The following IL1RAPL2 variants were observed in gnomAD, a reference collection of about 807,000 sequenced individuals.
IL1RAPL2 encodes X-linked interleukin-1 receptor accessory protein-like 2.
Under a neutral mutation model 44.1 loss-of-function variants are expected in IL1RAPL2, and 3 were observed. The observed-to-expected ratio is 0.07, with a 90% CI of 0.03 to 0.18. IL1RAPL2 has a LOEUF of 0.18. Ranked by LOEUF, IL1RAPL2 falls within the 10% of genes least tolerant of loss-of-function variation. IL1RAPL2 has a pLI of 1.00. For missense variants in IL1RAPL2, 391 were observed against 496.4 expected, an observed-to-expected ratio of 0.79 and a Z score of 2.02; for synonymous variants, 181 against 178.8, an observed-to-expected ratio of 1.01 and a Z score of -0.10.
intron 4 of IL1RAPL2, among the ~76,000 whole-genome samples, chrX:105,234,764 T>C (rs909914990): frequency 7.6e-5 from 8 of 105,884 alleles, no homozygotes; most frequent in Admixed American, 6.2e-4. Context: ...GCCGAGATCA[T>C]GTCACTGTAC....
intron 6 of IL1RAPL2, among the ~76,000 whole-genome samples, chrX:105,654,235 A>G (rs1365549754): frequency 9.1e-6 from 1 of 109,326 alleles, no homozygotes; most frequent in Admixed American, 9.7e-5. Context: ...ACTCCTGTCA[A>G]TATTTCTGGA....
chrX:104,955,319 C>A lies in IL1RAPL2; in HGVS notation c.83-240156C>A, dbSNP rs1451739914. ...AATATTCCTCAAGGTCACTGGGACA[C>A]TTTCTTCAGGGGATATAAGGGAAGA... On this transcript the variant is annotated intron_variant, in intron 2 of 10. Coordinates refer to ENST00000372582, the MANE Select transcript of IL1RAPL2 (RefSeq NM_017416.2). Among the ~76,000 whole-genome samples the A allele has an allele frequency of 1.8e-5, 2 of 110,214 alleles. 1 individual carries two copies. Among genetic ancestry groups the A allele is most frequent in the South Asian group, 7.7e-4 (2 of 2,592 alleles).
At chrX:105,588,858 T>C (rs1602479608) in intron 6 of IL1RAPL2, among the ~76,000 whole-genome samples, 1 of 112,082 alleles carries the variant, frequency 8.9e-6, no homozygotes, top group East Asian at 2.8e-4. Context: ...CATGCGTACA[T>C]GTGTCTTTAT....
intron 2 of IL1RAPL2, among the ~76,000 whole-genome samples, chrX:104,920,064 A>C (rs1479292028): frequency 3.6e-5 from 4 of 110,428 alleles, no homozygotes; most frequent in African/African-American, 1.3e-4. Flanking sequence ...CCATGGGGAG[A>C]CTCTGACCAA....
At chrX:104,825,188 G>C (rs1020052978) in intron 2 of IL1RAPL2, among the ~76,000 whole-genome samples, 2 of 111,405 alleles carry the variant, frequency 1.8e-5, no homozygotes, top group African/African-American at 6.5e-5. Flanking sequence ...ACACAGCAGA[G>C]GTTCCTAGAT....
At chrX:104,961,804 G>T (rs1044579856) in intron 2 of IL1RAPL2, among the ~76,000 whole-genome samples, 12 of 111,517 alleles carry the variant, frequency 1.1e-4, no homozygotes, top group Admixed American at 1.9e-4. Context: ...ACAATGCCTG[G>T]CCCAGAATAG....
chrX:105,762,612 A>T (rs2038696566), intron 10 of IL1RAPL2, among the ~76,000 whole-genome samples: 1 of 112,187 alleles, frequency 8.9e-6, no homozygotes, highest in African/African-American at 3.2e-5. Context: ...TTCATGTCTG[A>T]TAATCTGCTG....
intron 5 of IL1RAPL2, among the ~76,000 whole-genome samples, chrX:105,325,513 A>G (rs2087336931): frequency 1.0e-5 from 1 of 97,056 alleles, no homozygotes; most frequent in African/African-American, 4.1e-5. Flanking sequence ...TCTTGAATAA[A>G]CATGTTTTCA....
Position 105,640,654 on chromosome X carries a change from G to GTGTA in IL1RAPL2, c.773-76712_773-76711insGTAT, listed in dbSNP as rs1446182577. On this transcript the variant is annotated intron_variant, in intron 6 of 10. Transcript: ENST00000372582. Reference sequence around the variant, plus strand: ...AAGTACACAAATTATGTATGTGTGTGTATATATATATATATATATATATAT... The same window carrying GTGTA: ...AAGTACACAAATTATGTATGTGTGTGTGTATATATATATATATATATATATATAT... Among the ~76,000 whole-genome samples, 34 of 59,475 alleles carry GTGTA rather than the reference G, an allele frequency of 5.7e-4. 1 individual carries two copies. In the South Asian group the frequency reaches 9.6e-3, roughly 17 times the overall value. 51.6% of individuals were successfully genotyped at this position (59,475 alleles called of 115,157 possible).
chrX:105,220,545 A>C, intron 3 of IL1RAPL2: 4 of 499,686 alleles, frequency 8.0e-6, no homozygotes, highest in Non-Finnish European at 6.1e-6. Context: ...CGTCCTAATG[A>C]CCCCCTGACC....
At chrX:105,700,630 G>A (rs777387146) in intron 6 of IL1RAPL2, among the ~76,000 whole-genome samples, 41 of 111,100 alleles carry the variant, frequency 3.7e-4, no homozygotes, top group Non-Finnish European at 5.9e-4. Flanking sequence ...CTTCTATGGC[G>A]TTGTTTTTGT....
intron 2 of IL1RAPL2, among the ~76,000 whole-genome samples, chrX:105,050,258 A>C (rs2031900875): frequency 8.9e-6 from 1 of 112,090 alleles, no homozygotes. Flanking sequence ...AGGAGTAAAA[A>C]GTATGCTTTT....
intron 5 of IL1RAPL2, among the ~76,000 whole-genome samples, chrX:105,312,689 A>T (rs776159618): frequency 9.0e-6 from 1 of 111,498 alleles, no homozygotes; most frequent in African/African-American, 3.3e-5. Context: ...AATAGTTAAG[A>T]TAAAAGTCAA....
At chrX:105,404,154 A>G (rs960263308) in intron 5 of IL1RAPL2, among the ~76,000 whole-genome samples, 3 of 111,590 alleles carry the variant, frequency 2.7e-5, no homozygotes, top group African/African-American at 9.8e-5. Flanking sequence ...AGAGCAGGGA[A>G]TTTTTCATCT....
At chrX:104,721,726 T>A (rs999787393) in intron 2 of IL1RAPL2, among the ~76,000 whole-genome samples, 3 of 110,645 alleles carry the variant, frequency 2.7e-5, no homozygotes, top group Non-Finnish European at 5.7e-5. Flanking sequence ...TTGAATAGAA[T>A]ACCTATACAA....
chrX:105,097,103 C>T (rs978431940), intron 2 of IL1RAPL2, among the ~76,000 whole-genome samples: 1 of 109,007 alleles, frequency 9.2e-6, no homozygotes, highest in African/African-American at 3.4e-5. Flanking sequence ...CCGAGGCGGG[C>T]GGATCATGAG....
At chrX:104,931,376 TAAA>T (rs11459071) in intron 2 of IL1RAPL2, among the ~76,000 whole-genome samples, 2 of 75,332 alleles carry the variant, frequency 2.7e-5, no homozygotes, top group African/African-American at 9.5e-5. Flanking sequence ...CCACCTCCCC[TAAA>T]AAAAAAAAAA....
chrX:105,179,235 A>G (rs2033504958), intron 2 of IL1RAPL2, among the ~76,000 whole-genome samples: 1 of 112,048 alleles, frequency 8.9e-6, no homozygotes, highest in African/African-American at 3.2e-5. Context: ...AGCACCATTT[A>G]TTGAAGAGGG....
intron 2 of IL1RAPL2, among the ~76,000 whole-genome samples, chrX:104,661,932 G>A (rs979873783): frequency 8.9e-6 from 1 of 112,014 alleles, no homozygotes; most frequent in Non-Finnish European, 1.9e-5. Context: ...AGTGTCTGAT[G>A]TGAAGATAGT....
Sources: allele counts gnomAD v4.1 joint callset (sites outside exome capture counted in the v4.1 genomes callset), GRCh38; gene constraint gnomAD v4.1.1; transcripts MANE v1.5; gene names NCBI Gene and HGNC (gene_info 2026-07-23, HGNC 2026-07-21).